Variants in CYYR1 observed in about 807,000 individuals in gnomAD.
CYYR1 encodes the protein cysteine and tyrosine rich 1, also known as cysteine and tyrosine-rich protein 1.
CYYR1 carries 14 observed loss-of-function variants against 15.2 expected under a neutral mutation model. That is an observed-to-expected ratio of 0.92 (90% CI 0.61 to 1.44). The LOEUF is 1.44. CYYR1 is among the 40% of genes most tolerant of loss of function. The pLI, the probability that CYYR1 is intolerant of heterozygous loss-of-function variation, is 0.00. For missense variants in CYYR1, 228 were observed against 209.5 expected (o/e 1.09, Z -0.54); for synonymous variants, 80 against 77.4 (o/e 1.03, Z -0.18).
chr21:26,495,359 G>C (rs906955612), intron 2 of CYYR1, among the ~76,000 whole-genome samples: 1 of 152,148 alleles, frequency 6.6e-6, no homozygotes, highest in Non-Finnish European at 1.5e-5. Flanking sequence ...AAATATCTGC[G>C]CTAGGCTCTA....
intron 2 of CYYR1, among the ~76,000 whole-genome samples, chr21:26,491,281 C>G (rs1383193312): frequency 6.6e-6 from 1 of 152,140 alleles, no homozygotes; most frequent in Non-Finnish European, 1.5e-5. Context: ...ATTATCTTAA[C>G]TTGCTTATGG....
At position 26,566,384 on chromosome 21, in the gene CYYR1, C is replaced by A; in HGVS notation, c.74-16G>T. ...AGGCAATCATCTACAAAACAAAAAC[C>A]ACTTGTGAGCAGTTATAGTTGTAAA... On this transcript the variant is annotated splice_polypyrimidine_tract_variant and intron_variant, in intron 1 of 3. Transcript: ENST00000652641. The A allele has an allele frequency of 6.3e-7, 1 of 1,578,282 alleles. No homozygotes were observed. Among genetic ancestry groups the A allele is most frequent in the Non-Finnish European group, 8.7e-7 (1 of 1,149,106 alleles).
chr21:26,543,909 A>AAAT (rs1025390142), intron 2 of CYYR1, among the ~76,000 whole-genome samples: 1 of 151,858 alleles, frequency 6.6e-6, no homozygotes, highest in Non-Finnish European at 1.5e-5. Flanking sequence ...CCATCTCAAA[A>AAAT]AATAATAATA....
intron 2 of CYYR1, among the ~76,000 whole-genome samples, chr21:26,548,650 G>C (rs1010620387): frequency 6.6e-6 from 1 of 152,186 alleles, no homozygotes; most frequent in Admixed American, 6.5e-5. Flanking sequence ...AGCCCGGCCA[G>C]TATGGGTTAT....
chr21:26,480,423 A>T lies in CYYR1; in HGVS notation c.183T>A (p.Thr61=), dbSNP rs1361665848. The change falls in exon 3 of 4, where the codon ACT becomes ACA. Residue 61 remains threonine (T), a synonymous_variant. Coordinates refer to ENST00000652641, the MANE Select transcript of CYYR1 (RefSeq NM_001320768.2). The stretch of plus-strand genomic sequence containing the variant: ...TTCCAAAAACAATGCCCGCAATTGC[A>T]GTGCCCCTAAAAGGAAAAACAAGTA... ...YAYIGNILSG[T]AIAGIVFGIV... is the part of the protein sequence containing the mutation. 3 of 1,611,060 alleles carry T rather than the reference A, an allele frequency of 1.9e-6. No homozygotes were observed. In the African/African-American group the frequency reaches 4.0e-5, roughly 22 times the overall value.
intron 2 of CYYR1, among the ~76,000 whole-genome samples, chr21:26,527,841 AAATAT>A (rs1955882457): frequency 6.6e-6 from 1 of 152,230 alleles, no homozygotes; most frequent in South Asian, 2.1e-4. Flanking sequence ...GATTTTCTAG[AAATAT>A]AATATTCTGC....
chr21:26,495,121 C>T (rs2065378315), intron 2 of CYYR1, among the ~76,000 whole-genome samples: 1 of 152,158 alleles, frequency 6.6e-6, no homozygotes, highest in Non-Finnish European at 1.5e-5. Context: ...AGGCAACCTG[C>T]AGTTATTCAC....
chr21:26,504,883 T>C (rs2123489582), intron 2 of CYYR1, among the ~76,000 whole-genome samples: 1 of 152,212 alleles, frequency 6.6e-6, no homozygotes, highest in South Asian at 2.1e-4. Context: ...GATTTTTAGA[T>C]CCCACAAAAA....
chr21:26,535,834 T>G (rs918508933), intron 2 of CYYR1, among the ~76,000 whole-genome samples: 4 of 152,140 alleles, frequency 2.6e-5, no homozygotes, highest in African/African-American at 9.7e-5. Flanking sequence ...TGTAACTTAC[T>G]TATGCAGTGA....
At chr21:26,526,432 A>G (rs222932) in intron 2 of CYYR1, among the ~76,000 whole-genome samples, 54,756 of 151,810 alleles carry the variant, frequency 0.36, 11,224 homozygotes, top group East Asian at 0.66. Context: ...TGGGCGACAG[A>G]GCAAAATTCT....
intron 2 of CYYR1, among the ~76,000 whole-genome samples, chr21:26,518,972 T>C: frequency 6.6e-6 from 1 of 152,212 alleles, no homozygotes; most frequent in Non-Finnish European, 1.5e-5. Flanking sequence ...TCAGGCCTGT[T>C]TGTGATCCAC....
intron 2 of CYYR1, among the ~76,000 whole-genome samples, chr21:26,509,617 CTCAG>C (rs1361628316): frequency 6.6e-6 from 1 of 152,188 alleles, no homozygotes; most frequent in African/African-American, 2.4e-5. Context: ...TTATTTCTTC[CTCAG>C]TCAAAGCCTG....
intron 2 of CYYR1, among the ~76,000 whole-genome samples, chr21:26,561,327 T>C (rs984751258): frequency 6.6e-6 from 1 of 150,802 alleles, no homozygotes; most frequent in African/African-American, 2.4e-5. Flanking sequence ...TTTTTTTTTT[T>C]ACTAATGCCA....
chr21:26,543,915 T>C (rs998856431), intron 2 of CYYR1, among the ~76,000 whole-genome samples: 1 of 151,422 alleles, frequency 6.6e-6, no homozygotes, highest in African/African-American at 2.4e-5. Context: ...CAAAAAATAA[T>C]AATAATAATA....
intron 2 of CYYR1, among the ~76,000 whole-genome samples, chr21:26,546,720 G>T (rs1979000059): frequency 6.6e-6 from 1 of 152,152 alleles, no homozygotes; most frequent in Non-Finnish European, 1.5e-5. Context: ...ATGACCATGG[G>T]AATGCACCGT....
intron 2 of CYYR1, among the ~76,000 whole-genome samples, chr21:26,525,565 A>G (rs1328428924): frequency 1.3e-5 from 2 of 152,144 alleles, no homozygotes; most frequent in African/African-American, 2.4e-5. Context: ...GAAGATATTT[A>G]TCTCATTTTT....
chr21:26,477,958 G>A, intron 3 of CYYR1: 1 of 1,426,090 alleles, frequency 7.0e-7, no homozygotes, highest in Non-Finnish European at 9.2e-7. Context: ...ACATTCCAGG[G>A]TGAAACTTAA....
Position 26,468,238 on chromosome 21 carries a change from A to G in CYYR1, c.*263T>C. On this transcript the variant is annotated 3_prime_UTR_variant, in exon 4 of 4. Transcript: ENST00000652641. ...GATTATCAGATATTTTGTCAATTAC[A>G]TTACTCTTCCCTGAATGTGCTTAGG... 1 of 464,688 alleles carries G rather than the reference A, an allele frequency of 2.2e-6. No homozygotes were observed. The highest frequency in any genetic ancestry group is 4.0e-6 in the Non-Finnish European group (1 of 252,728). 28.8% of individuals were successfully genotyped at this position (464,688 alleles called of 1,614,324 possible).
At chr21:26,565,672 C>T (rs1007916129) in intron 2 of CYYR1, among the ~76,000 whole-genome samples, 2 of 152,176 alleles carry the variant, frequency 1.3e-5, no homozygotes, top group African/African-American at 4.8e-5. Flanking sequence ...ACAGAGTCTA[C>T]ATGTACATAT....
Sources: gnomAD v4.1 joint callset for allele counts (sites outside exome capture counted in the v4.1 genomes callset) on GRCh38, gnomAD v4.1.1 for gene constraint, MANE v1.5 for transcripts, NCBI Gene and HGNC (gene_info 2026-07-23, HGNC 2026-07-21) for gene names.